The following ATP10A variants were observed in gnomAD, a reference collection of about 807,000 sequenced individuals.
ATP10A encodes the protein ATPase phospholipid transporting 10A (putative).
ATP10A carries 111 observed loss-of-function variants against 147.8 expected under a neutral mutation model. That is an observed-to-expected ratio of 0.75 (90% CI 0.64 to 0.88). The LOEUF (loss-of-function observed/expected upper bound fraction) is 0.88, where lower values mean the gene tolerates loss of function less well. Ranked by LOEUF, ATP10A falls within the 40% of genes least tolerant of loss-of-function variation. The pLI, the probability that ATP10A is intolerant of heterozygous loss-of-function variation, is 0.00. For missense variants in ATP10A, 1,927 were observed against 1,959.0 expected (o/e 0.98, Z 0.31); for synonymous variants, 875 against 841.6 (o/e 1.04, Z -0.69).
At chr15:25,847,847 G>A (rs1893096610) in intron 1 of ATP10A, among the ~76,000 whole-genome samples, 1 of 151,818 alleles carries the variant, frequency 6.6e-6, no homozygotes, top group Admixed American at 6.6e-5. Context: ...TTCCAGGCTG[G>A]TATCCAACTC....
intron 1 of ATP10A, among the ~76,000 whole-genome samples, chr15:25,808,522 T>A (rs1239852228): frequency 6.6e-6 from 1 of 152,220 alleles, no homozygotes; most frequent in Non-Finnish European, 1.5e-5. Context: ...GCAGCTGGGA[T>A]TACAGGCATG....
chr15:25,779,097 G>C lies in ATP10A; in HGVS notation c.654+1922C>G, dbSNP rs549121661. On this transcript the variant is annotated intron_variant, in intron 2 of 20. Transcript: ENST00000555815. Reference sequence around the variant, plus strand: ...TCACCATGTTGGCCAGGATGGTCTCGAATTACTGACCTCAAGTGATCCACC... The same window carrying C: ...TCACCATGTTGGCCAGGATGGTCTCCAATTACTGACCTCAAGTGATCCACC... 2.6e-5 allele frequency among the ~76,000 whole-genome samples: 4 copies of C among 152,096 alleles called. 1 individual carries two copies. In the East Asian group the frequency reaches 7.8e-4, roughly 30 times the overall value.
chr15:25,833,802 C>G (rs781285779), intron 1 of ATP10A, among the ~76,000 whole-genome samples: 20 of 152,132 alleles, frequency 1.3e-4, no homozygotes, highest in Non-Finnish European at 2.5e-4. Flanking sequence ...GAAACCCCAT[C>G]TCTACTAAAA....
chr15:25,788,654 T>A (rs1890277398), intron 1 of ATP10A, among the ~76,000 whole-genome samples: 1 of 152,258 alleles, frequency 6.6e-6, no homozygotes, highest in South Asian at 2.1e-4. Flanking sequence ...GCGTGTTATA[T>A]CTTGTCTTTG....
intron 2 of ATP10A, among the ~76,000 whole-genome samples, chr15:25,762,781 C>T (rs914789371): frequency 4.0e-5 from 6 of 150,000 alleles, no homozygotes; most frequent in African/African-American, 1.5e-4. Flanking sequence ...GGTTTTGCTA[C>T]GTTGCCCAGG....
At position 25,702,096 on chromosome 15, in the gene ATP10A, G is replaced by A. The variant is rs140108658; in HGVS notation, c.2580C>T (p.Ala860=). 3.1e-6 allele frequency: 5 copies of A among 1,610,944 alleles called. No individual in the cohort carries two copies. In the African/African-American group the frequency reaches 5.3e-5, roughly 17 times the overall value. The change falls in exon 13 of 21, where the codon GCC becomes GCT. Residue 860 remains alanine, a synonymous_variant. Transcript: ENST00000555815. ...RLETNLHLLG[A]TGIEDRLQDG... ...CCTGCAGGCGGTCTTCAATCCCAGT[G>A]GCACCTGGTCAAATGCACAGCAGTG...
chr15:25,798,121 T>A lies in ATP10A; in HGVS notation c.450-16898A>T, dbSNP rs78999682. On this transcript the variant is annotated intron_variant, in intron 1 of 20. Transcript: ENST00000555815. Reference sequence around the variant, plus strand: ...GGTTGCATTCAGCCAGCTACTCCCATCACTGGAGTTAAGGAGCTCCTCAGC... The same window carrying A: ...GGTTGCATTCAGCCAGCTACTCCCAACACTGGAGTTAAGGAGCTCCTCAGC... Among the ~76,000 whole-genome samples the A allele has an allele frequency of 5.3e-5, 8 of 152,234 alleles. No individual in the cohort carries two copies. In the East Asian group the frequency reaches 1.6e-3, roughly 30 times the overall value.
At chr15:25,777,122 C>T (rs1008866052) in intron 2 of ATP10A, among the ~76,000 whole-genome samples, 17 of 86,628 alleles carry the variant, frequency 2.0e-4, no homozygotes, top group Admixed American at 4.0e-4. Context: ...TGTGTGTACC[C>T]GTTCCGCACT....
At position 25,695,146 on chromosome 15, in the gene ATP10A, C is replaced by A; in HGVS notation, c.2761G>T (p.Glu921Ter). ...TGGTCTAGCAGGGCTGCACACGCCT[C>A]CTGAAAGGGACATGAGAGGACAGCG... ...EVITLNATSQ[E>*]ACAALLDQCL... is the part of the protein sequence containing the mutation. The change falls in exon 14 of 21, where the codon GAG becomes TAG. Residue 921 changes from glutamate (E) to a stop codon, truncating the protein, a stop_gained and splice_region_variant. Coordinates refer to ENST00000555815, the MANE Select transcript of ATP10A (RefSeq NM_024490.4). LOFTEE classifies it high-confidence loss of function. The A allele has an allele frequency of 1.9e-6, 3 of 1,607,706 alleles. No homozygotes were observed. Among genetic ancestry groups the A allele is most frequent in the Non-Finnish European group, 1.7e-6 (2 of 1,175,854 alleles).
At chr15:25,699,928 G>A (rs1032957378) in intron 13 of ATP10A, among the ~76,000 whole-genome samples, 1 of 151,788 alleles carries the variant, frequency 6.6e-6, no homozygotes, top group Admixed American at 6.6e-5. Flanking sequence ...AAAACTAAAA[G>A]CTTTTGTGAA....
At chr15:25,850,647 C>A (rs555127166) in intron 1 of ATP10A, among the ~76,000 whole-genome samples, 50 of 150,428 alleles carry the variant, frequency 3.3e-4, no homozygotes, top group African/African-American at 6.6e-4. Flanking sequence ...CTCCCTCCCC[C>A]CCCAGCCCCG....
chr15:25,779,605 G>A (rs993102239), intron 2 of ATP10A, among the ~76,000 whole-genome samples: 3 of 152,110 alleles, frequency 2.0e-5, no homozygotes, highest in African/African-American at 7.2e-5. Context: ...GCGAGGGGGT[G>A]GCATCGGATG....
chr15:25,748,183 T>C (rs11638712), intron 2 of ATP10A, among the ~76,000 whole-genome samples: 52,907 of 151,880 alleles, frequency 0.35, 9,565 homozygotes, highest in Non-Finnish European at 0.4. Context: ...AGGATGGTCT[T>C]GATCTCCTGA....
At chr15:25,726,141 C>G in intron 4 of ATP10A, 59 bp from the exon 5 acceptor site, 1 of 1,575,128 alleles carries the variant, frequency 6.3e-7, no homozygotes, top group Non-Finnish European at 8.7e-7. Flanking sequence ...GGACCAGCTG[C>G]ATGGATGGCG....
At chr15:25,830,511 C>T (rs1256493982) in intron 1 of ATP10A, among the ~76,000 whole-genome samples, 1 of 152,170 alleles carries the variant, frequency 6.6e-6, no homozygotes, top group African/African-American at 2.4e-5. Context: ...CCAAAGAAAA[C>T]CACGCCACAA....
chr15:25,860,343 G>A (rs1893705731), intron 1 of ATP10A, among the ~76,000 whole-genome samples: 1 of 152,196 alleles, frequency 6.6e-6, no homozygotes, highest in African/African-American at 2.4e-5. Context: ...CATGGAGCCT[G>A]CATCCCGGGG....
At chr15:25,769,795 T>A (rs542026365) in intron 2 of ATP10A, among the ~76,000 whole-genome samples, 1 of 152,170 alleles carries the variant, frequency 6.6e-6, no homozygotes, top group African/African-American at 2.4e-5. Flanking sequence ...GAATTCTACC[T>A]TCCCCAGATT....
chr15:25,695,124 T>G lies in ATP10A; in HGVS notation c.2783A>C (p.Asp928Ala). 1 of 1,612,954 alleles carries G rather than the reference T, an allele frequency of 6.2e-7. No homozygotes were observed. Among genetic ancestry groups the G allele is most frequent in the Admixed American group, 1.7e-5 (1 of 59,998 alleles). The change falls in exon 14 of 21, where the codon GAC becomes GCC. Residue 928 changes from aspartate to alanine, a missense_variant. Transcript: ENST00000555815. Reference protein sequence around the residue: ...TSQEACAALLDQCLCYVQSRG... With the variant: ...TSQEACAALLAQCLCYVQSRG... Reference sequence around the variant, plus strand: ...GGACTGCACGTAGCATAGGCACTGGTCTAGCAGGGCTGCACACGCCTCCTG... The same window carrying G: ...GGACTGCACGTAGCATAGGCACTGGGCTAGCAGGGCTGCACACGCCTCCTG...
chr15:25,817,959 G>C (rs966811685), intron 1 of ATP10A, among the ~76,000 whole-genome samples: 1 of 152,130 alleles, frequency 6.6e-6, no homozygotes, highest in African/African-American at 2.4e-5. Flanking sequence ...CTAGAAATTA[G>C]TTTTAGTATT....
Sources: gnomAD v4.1 joint callset for allele counts (sites outside exome capture counted in the v4.1 genomes callset) on GRCh38, gnomAD v4.1.1 for gene constraint, MANE v1.5 for transcripts, NCBI Gene and HGNC (gene_info 2026-07-23, HGNC 2026-07-21) for gene names.